The following RALGAPB variants were observed in gnomAD, a reference collection of about 807,000 sequenced individuals.
RALGAPB encodes ral GTPase-activating protein subunit beta.
In RALGAPB, 25 loss-of-function variants were observed where a neutral mutation model predicts 161.1. That is an observed-to-expected ratio of 0.16 (90% CI 0.11 to 0.22). The LOEUF (loss-of-function observed/expected upper bound fraction) is 0.22, where lower values mean the gene tolerates loss of function less well. RALGAPB is among the 10% of genes least tolerant of loss of function. The pLI, the probability that RALGAPB is intolerant of heterozygous loss-of-function variation, is 1.00. For missense variants in RALGAPB, 1,391 were observed against 1,815.2 expected (o/e 0.77, Z 4.25); for synonymous variants, 629 against 626.1 (o/e 1.00, Z -0.07).
In RALGAPB at chr20:38,497,431, T is replaced by G; in HGVS notation, c.468T>G (p.Ser156=). 6.2e-7 allele frequency: 1 copy of G among 1,614,048 alleles called. No homozygotes were observed. The highest frequency in any genetic ancestry group is 1.1e-5 in the South Asian group (1 of 91,080). ...RAIQKLARES[S]LMARETWEVL... is the part of the protein sequence containing the mutation. ...TTCAGAAACTGGCCCGTGAGTCATC[T>G]CTCATGGCCCGAGAAACTTGGGAAG... The change falls in exon 4 of 30, where the codon TCT becomes TCG. Residue 156 remains serine (S), a synonymous_variant. Transcript: ENST00000262879.
intron 20 of RALGAPB, 148 bp downstream of exon 20, chr20:38,548,943 AC>A: frequency 1.5e-6 from 1 of 648,072 alleles, no homozygotes; most frequent in Admixed American, 2.9e-5. Context: ...TCATCTAGGA[AC>A]CTAGAATTCC....
At chr20:38,541,673 A>G (rs546255515) in intron 18 of RALGAPB, among the ~76,000 whole-genome samples, 1 of 152,332 alleles carries the variant, frequency 6.6e-6, no homozygotes, top group African/African-American at 2.4e-5. Flanking sequence ...TTTAGTCACC[A>G]CTACGTCTAC....
Position 38,562,629 on chromosome 20 carries a change from G to C in RALGAPB, c.3629G>C (p.Gly1210Ala). Residue 1210 changes from glycine (G) to alanine (A), a missense_variant, in exon 24 of 30, where the codon GGT (glycine) becomes GCT (alanine). This residue lies in a region of RALGAPB where 436 missense variants were observed against 527.0 expected (regional missense o/e 0.83). Coordinates refer to ENST00000262879, the MANE Select transcript of RALGAPB (RefSeq NM_020336.4). ...GWSVDVGRHP[G>A]WTGHVSTSWS... The stretch of plus-strand genomic sequence containing the variant: ...TCAGTAGATGTGGGCAGACACCCTG[G>C]TTGGACTGGGCATGTTTCTACCAGT... The C allele has an allele frequency of 6.2e-7, 1 of 1,614,014 alleles. No homozygotes were observed. Among genetic ancestry groups the C allele is most frequent in the Non-Finnish European group, 8.5e-7 (1 of 1,179,918 alleles).
intron 1 of RALGAPB, among the ~76,000 whole-genome samples, chr20:38,479,981 T>C (rs1225949570): frequency 6.6e-6 from 1 of 151,976 alleles, no homozygotes; most frequent in Non-Finnish European, 1.5e-5. Context: ...TTAAACTTTC[T>C]TCTTTTTTTT....
chr20:38,541,345 C>G (rs1232082102), intron 18 of RALGAPB, among the ~76,000 whole-genome samples, 153 bp downstream of exon 18: 1 of 151,970 alleles, frequency 6.6e-6, no homozygotes, highest in East Asian at 1.9e-4. Flanking sequence ...GGAAGAAAAT[C>G]TCTATTTTTT....
rs149691107 is a variant in RALGAPB, at chr20:38,483,006, C to G, written c.-30-5397C>G. On this transcript the variant is annotated intron_variant, in intron 1 of 29. Transcript: ENST00000262879. ...GATCCAAGTGATCCTCCCACTTCAGCCTTCAGAGTAGCTGGGACTACAGGT... is the reference window on the plus strand; with the variant it reads ...GATCCAAGTGATCCTCCCACTTCAGGCTTCAGAGTAGCTGGGACTACAGGT... 9.1e-3 allele frequency among the ~76,000 whole-genome samples: 1,383 copies of G among 152,280 alleles called. 24 individuals carry two copies. The highest frequency in any genetic ancestry group is 0.032 in the African/African-American group (1,323 of 41,556).
At chr20:38,561,930 C>T (rs2087799814) in intron 23 of RALGAPB, among the ~76,000 whole-genome samples, 1 of 152,208 alleles carries the variant, frequency 6.6e-6, no homozygotes, top group Admixed American at 6.5e-5. Context: ...GAATGAAGGA[C>T]TCTTTGTGAG....
intron 15 of RALGAPB, among the ~76,000 whole-genome samples, chr20:38,533,386 T>C (rs1296825786): frequency 6.6e-6 from 1 of 152,236 alleles, no homozygotes; most frequent in Non-Finnish European, 1.5e-5. Context: ...CCAAGCATCC[T>C]ATACAAGGTT....
Position 38,541,151 on chromosome 20 carries a change from A to G in RALGAPB, c.2673A>G (p.Ala891=). 1.9e-6 allele frequency: 3 copies of G among 1,614,152 alleles called. No homozygotes were observed. Among genetic ancestry groups the G allele is most frequent in the Non-Finnish European group, 2.5e-6 (3 of 1,180,008 alleles). ...AAGGAGATAAGGAGCCAAACCCTGCATCTATGAGGGTAAAGGATGCTGCTG... is the reference window on the plus strand; with the variant it reads ...AAGGAGATAAGGAGCCAAACCCTGCGTCTATGAGGGTAAAGGATGCTGCTG... ...KYKGDKEPNP[A]SMRVKDAAEA... Residue 891 remains alanine, a synonymous_variant, in exon 18 of 30, where the codon GCA becomes GCG. Transcript: ENST00000262879.
intron 5 of RALGAPB, 81 bp downstream of exon 5, chr20:38,499,714 C>A: frequency 7.4e-7 from 1 of 1,353,694 alleles, no homozygotes; most frequent in Non-Finnish European, 9.9e-7. Flanking sequence ...TACATTATAA[C>A]AAAGGCTGGG....
rs1364980357 is a variant in RALGAPB, at chr20:38,488,454, C to T, written c.22C>T (p.Leu8=). 1.2e-6 allele frequency: 2 copies of T among 1,613,980 alleles called. No individual in the cohort carries two copies. Among genetic ancestry groups the T allele is most frequent in the Admixed American group, 1.7e-5 (1 of 59,986 alleles). MYSEWRS[L]HLVIQNDQGH... ...CACGATGTACTCTGAGTGGAGGTCA[C>T]TGCATTTGGTGATTCAGAATGATCA... The change falls in exon 2 of 30, where the codon CTG becomes TTG. Residue 8 remains leucine (L), a synonymous_variant. Coordinates refer to ENST00000262879, the MANE Select transcript of RALGAPB (RefSeq NM_020336.4).
chr20:38,477,319 G>A (rs2084832958), intron 1 of RALGAPB, among the ~76,000 whole-genome samples: 1 of 152,174 alleles, frequency 6.6e-6, no homozygotes, highest in Non-Finnish European at 1.5e-5. Flanking sequence ...CTCAGAGAAG[G>A]TCTCAGGCAT....
In RALGAPB at chr20:38,565,423, T is replaced by C. The variant is rs774044281; in HGVS notation, c.3762T>C (p.Tyr1254=). The C allele has an allele frequency of 8.7e-6, 14 of 1,613,594 alleles. No individual in the cohort carries two copies. The Admixed American group carries it at 1.5e-4, about 17-fold the overall frequency. Reference sequence around the variant, plus strand: ...ATGGACAGAAGAAGGTGCTGTATTATGCTGATGCCCTTACAGAAATTGCTT... The same window carrying C: ...ATGGACAGAAGAAGGTGCTGTATTACGCTGATGCCCTTACAGAAATTGCTT... ...IFNGQKKVLY[Y]ADALTEIAFV... is the part of the protein sequence containing the mutation. The change falls in exon 25 of 30, where the codon TAT becomes TAC. Residue 1254 remains tyrosine (Y), a synonymous_variant. Coordinates refer to ENST00000262879, the MANE Select transcript of RALGAPB (RefSeq NM_020336.4).
intron 15 of RALGAPB, 80 bp downstream of exon 15, chr20:38,532,939 AT>A: frequency 1.4e-6 from 2 of 1,425,132 alleles, no homozygotes; most frequent in South Asian, 2.6e-5. Flanking sequence ...AACATTAAAA[AT>A]GTTAATGTTC....
At chr20:38,541,323 A>G (rs2086957173) in intron 18 of RALGAPB, 131 bp downstream of exon 18, 1 of 958,016 alleles carries the variant, frequency 1.0e-6, no homozygotes, top group Non-Finnish European at 1.4e-6. Flanking sequence ...CTTTTTCTCC[A>G]GAAATAAAAT....
chr20:38,485,169 T>C (rs1216254078), intron 1 of RALGAPB, among the ~76,000 whole-genome samples: 1 of 152,204 alleles, frequency 6.6e-6, no homozygotes, highest in East Asian at 1.9e-4. Flanking sequence ...GCTCAGACAA[T>C]GGTTTTCTAG....
intron 6 of RALGAPB, among the ~76,000 whole-genome samples, chr20:38,511,129 G>A (rs2085935123): frequency 6.6e-6 from 1 of 152,048 alleles, no homozygotes; most frequent in Non-Finnish European, 1.5e-5. Context: ...GTCAGGCCTT[G>A]AAGTAATATA....
In RALGAPB at chr20:38,542,806, C is replaced by T. The variant is rs149512220; in HGVS notation, c.2714+1614C>T. 1.7e-3 allele frequency among the ~76,000 whole-genome samples: 250 copies of T among 143,336 alleles called. 3 individuals are homozygous for T. The highest frequency in any genetic ancestry group is 5.8e-3 in the African/African-American group (223 of 38,692). 94.0% of individuals were successfully genotyped at this position (143,336 alleles called of 152,430 possible). A position where few individuals can be genotyped will look rare whatever the true frequency, so the allele number is the denominator to read the frequency against. On this transcript the variant is annotated intron_variant, in intron 18 of 29. Transcript: ENST00000262879. ...AGGAGAATCGCTTGAACCCAGGACA[C>T]GGAGGTTGCAGTGAGCCGAGATCAC...
At chr20:38,485,134 A>G (rs1419932883) in intron 1 of RALGAPB, among the ~76,000 whole-genome samples, 1 of 152,206 alleles carries the variant, frequency 6.6e-6, no homozygotes, top group Non-Finnish European at 1.5e-5. Flanking sequence ...TTTTGTATTT[A>G]TATGTAAATG....
Sources: allele counts gnomAD v4.1 joint callset (sites outside exome capture counted in the v4.1 genomes callset), GRCh38; gene constraint gnomAD v4.1.1; regional missense constraint gnomAD v4.1.1; transcripts MANE v1.5; gene names NCBI Gene and HGNC (gene_info 2026-07-23, HGNC 2026-07-21).